The following GAS2L1 variants were observed in gnomAD, a reference collection of about 807,000 sequenced individuals.
GAS2L1 encodes the protein growth arrest specific 2 like 1.
A neutral mutation model predicts 44.0 loss-of-function variants in GAS2L1; 26 were observed. That is an observed-to-expected ratio of 0.59 (90% CI 0.43 to 0.82). The LOEUF is 0.82. GAS2L1 is among the 40% of genes least tolerant of loss of function. GAS2L1 has a pLI of 0.00. For missense variants in GAS2L1, 1,006 were observed against 983.0 expected, an observed-to-expected ratio of 1.02 and a Z score of -0.31; for synonymous variants, 426 against 415.9, an observed-to-expected ratio of 1.02 and a Z score of -0.30.
chr22:29,311,326 G>A, intron 4 of GAS2L1, 136 bp from the exon 6 acceptor site: 1 of 589,222 alleles, frequency 1.7e-6, no homozygotes, highest in South Asian at 2.1e-5. Context: ...ACTTCTCCCT[G>A]GAAGTCCCCA....
intron 1 of GAS2L1, among the ~76,000 whole-genome samples, 155 bp downstream of exon 2, chr22:29,308,893 C>T (rs13055676): frequency 0.048 from 7,319 of 152,318 alleles, 233 homozygotes; most frequent in Non-Finnish European, 0.072. Flanking sequence ...GAATGTATAC[C>T]TGACCCCAAG....
intron 4 of GAS2L1, 56 bp from the exon 6 acceptor site, chr22:29,311,406 C>G: frequency 1.4e-6 from 1 of 702,374 alleles, no homozygotes; most frequent in Non-Finnish European, 2.4e-6. Flanking sequence ...CCTGCCTGTT[C>G]TGCATGCCAG....
chr22:29,310,106 G>A (rs1329161549), intron 1 of GAS2L1, among the ~76,000 whole-genome samples: 1 of 152,076 alleles, frequency 6.6e-6, no homozygotes, highest in Non-Finnish European at 1.5e-5. Context: ...GCCGGGAGTG[G>A]TGGTGCATGC....
exon 4 of GAS2L1, chr22:29,310,846 G>A (rs539403505): frequency 3.7e-6 from 6 of 1,611,252 alleles, no homozygotes; most frequent in Middle Eastern, 1.7e-4. Flanking sequence ...CACCCCAGCC[G>A]AGGGTCTGCA....
At chr22:29,312,500 G>C in exon 5 of GAS2L1, 1 of 1,503,400 alleles carries the variant, frequency 6.7e-7, no homozygotes. Flanking sequence ...GGATGTGATG[G>C]ACCAGCTCAG....
At chr22:29,311,851 C>T (rs755368144) in exon 5 of GAS2L1, 8 of 1,593,624 alleles carry the variant, frequency 5.0e-6, no homozygotes, top group Middle Eastern at 3.4e-4. Context: ...AGTGGGGGCT[C>T]GGGCAGGAGC....
At chr22:29,312,035 TGCCCGG>T in exon 5 of GAS2L1, 1 of 1,612,444 alleles carries the variant, frequency 6.2e-7, no homozygotes, top group Non-Finnish European at 8.5e-7. Context: ...TCCTGGCCAA[TGCCCGG>T]GCCCTTGAGG....
exon 5 of GAS2L1, chr22:29,312,354 C>T (rs983997509): frequency 2.5e-6 from 4 of 1,604,140 alleles, no homozygotes; most frequent in African/African-American, 2.7e-5. Context: ...GGCACGGGGT[C>T]GGATGGACAC....
At chr22:29,312,110 T>TCCA in exon 5 of GAS2L1, 2 of 1,612,680 alleles carry the variant, frequency 1.2e-6, no homozygotes, top group Non-Finnish European at 1.7e-6. Flanking sequence ...CCCCCGACCC[T>TCCA]CCAGCTCCTG....
intron 1 of GAS2L1, among the ~76,000 whole-genome samples, chr22:29,309,727 C>T (rs2061383564): frequency 6.6e-6 from 1 of 152,230 alleles, no homozygotes; most frequent in Admixed American, 6.5e-5. Flanking sequence ...TCAGTGCCCA[C>T]CCAGGGGCAT....
chr22:29,311,536 C>T lies in GAS2L1; in HGVS notation c.1085C>T (p.Ala362Val), dbSNP rs957712083. Residue 362 changes from alanine to valine, a missense_variant, in exon 5 of 5, where the codon GCC becomes GTC. Physicochemically the swap from Ala to Val is moderately conservative, Grantham distance 64. Coordinates refer to ENST00000618518, the Ensembl canonical transcript of GAS2L1. ...GACAGTGACTCCTCAGCCTCCTCCG[C>T]CCAGAGCGGCCCCCTTGGTACCCGC... 13 of 1,542,400 alleles carry T rather than the reference C, an allele frequency of 8.4e-6. No homozygotes were observed. The African/African-American group carries it at 1.5e-4, about 18-fold the overall frequency.
At chr22:29,309,247 G>A (rs2061380265) in intron 1 of GAS2L1, among the ~76,000 whole-genome samples, 1 of 152,150 alleles carries the variant, frequency 6.6e-6, no homozygotes, top group Admixed American at 6.5e-5. Context: ...CCACTCCCCA[G>A]GCACCCCTGG....
In GAS2L1 at chr22:29,310,873, G is replaced by GGT; in HGVS notation, c.888_889dup (p.Ser297CysfsTer25). 6.2e-7 allele frequency: 1 copy of GGT among 1,613,080 alleles called. No individual in the cohort carries two copies. Among genetic ancestry groups the GGT allele is most frequent in the East Asian group, 2.2e-5 (1 of 44,888 alleles). ...GGGTCTGCACCTTTTCTCCACAGAG[G>GGT]GTGTCGCCCACCACCAGTCCCCGCC... is the stretch of plus-strand genomic sequence containing the variant. On this transcript the variant is annotated frameshift_variant, in exon 4 of 5. Coordinates refer to ENST00000618518, the Ensembl canonical transcript of GAS2L1. LOFTEE classifies it high-confidence loss of function.
At chr22:29,311,167 C>T in intron 4 of GAS2L1, 169 bp downstream of exon 5, 2 of 646,780 alleles carry the variant, frequency 3.1e-6, no homozygotes, top group Non-Finnish European at 5.2e-6. Flanking sequence ...ACCAAACCAA[C>T]AACACAGCTG....
chr22:29,308,558 C>T (rs1234946733), exon 1 of GAS2L1: 2 of 1,598,342 alleles, frequency 1.3e-6, no homozygotes, highest in Non-Finnish European at 1.7e-6. Context: ...CACGCCTGGG[C>T]CTGCTGGCCC....
intron 3 of GAS2L1, 32 bp downstream of exon 4, chr22:29,310,766 G>C: frequency 6.2e-7 from 1 of 1,605,632 alleles, no homozygotes; most frequent in Non-Finnish European, 8.5e-7. Context: ...GGGCTGGACG[G>C]GCAGGGGACT....
exon 5 of GAS2L1, chr22:29,312,042 G>C (rs1698094457): frequency 6.2e-7 from 1 of 1,612,330 alleles, no homozygotes; most frequent in South Asian, 1.1e-5. Context: ...CAATGCCCGG[G>C]CCCTTGAGGC....
exon 5 of GAS2L1, chr22:29,312,102 C>A (rs759632822): frequency 2.5e-6 from 4 of 1,612,898 alleles, no homozygotes; most frequent in Non-Finnish European, 2.5e-6. Flanking sequence ...AGCTCGGGCC[C>A]CCGACCCTCC....
At chr22:29,311,428 T>C (rs1048876979) in intron 4 of GAS2L1, 34 bp from the exon 6 acceptor site, 2 of 819,574 alleles carry the variant, frequency 2.4e-6, no homozygotes, top group African/African-American at 3.5e-5. Context: ...CCTTCCGTGG[T>C]ACCCCATCTG....
Sources: allele counts gnomAD v4.1 joint callset (sites outside exome capture counted in the v4.1 genomes callset), GRCh38; gene constraint gnomAD v4.1.1; transcripts MANE v1.5; gene names NCBI Gene and HGNC (gene_info 2026-07-23, HGNC 2026-07-21).